The following BICC1 variants were observed in gnomAD, a reference collection of about 807,000 sequenced individuals.
The protein encoded by BICC1 is BicC family RNA binding protein 1.
In BICC1, 43 loss-of-function variants were observed where a neutral mutation model predicts 111.0. The observed-to-expected ratio is 0.39, with a 90% CI of 0.30 to 0.50. The LOEUF is 0.50. BICC1 is among the 20% of genes least tolerant of loss of function. The pLI is 0.88. For synonymous variants in BICC1, 467 were observed against 434.4 expected (o/e 1.07, Z -0.93); for missense variants, 1,091 against 1,203.2 (o/e 0.91, Z 1.38).
At chr10:58,813,563 C>T (rs1589165182) in intron 17 of BICC1, among the ~76,000 whole-genome samples, 1 of 152,048 alleles carries the variant, frequency 6.6e-6, no homozygotes, top group Non-Finnish European at 1.5e-5. Flanking sequence ...TTATTTATCC[C>T]GGAGGCTCTC....
At chr10:58,664,249 T>G (rs1441367595) in intron 2 of BICC1, among the ~76,000 whole-genome samples, 1 of 152,212 alleles carries the variant, frequency 6.6e-6, no homozygotes, top group Admixed American at 6.5e-5. Flanking sequence ...TTTGAAATGT[T>G]AGTCATTCTG....
intron 20 of BICC1, among the ~76,000 whole-genome samples, chr10:58,827,838 A>ACCTT (rs1264510096): frequency 6.6e-6 from 1 of 152,158 alleles, no homozygotes; most frequent in Non-Finnish European, 1.5e-5. Context: ...TCCTTCCACC[A>ACCTT]CCACTACCTA....
chr10:58,799,263 T>C lies in BICC1; in HGVS notation c.1725+11T>C, dbSNP rs879202698. The C allele has an allele frequency of 6.4e-7, 1 of 1,571,472 alleles. No individual in the cohort carries two copies. Among genetic ancestry groups the C allele is most frequent in the South Asian group, 1.2e-5 (1 of 86,410 alleles). ...AATGGACATGCACAGGTAATGGCCT[T>C]CTGCCAGAATGTGTGTGTGATCTGT... On this transcript the variant is annotated intron_variant, in intron 12 of 20. Coordinates refer to ENST00000373886, the MANE Select transcript of BICC1 (RefSeq NM_001080512.3).
chr10:58,793,390 TAAAATA>T, intron 8 of BICC1, 88 bp from the exon 9 acceptor site: 4 of 1,191,306 alleles, frequency 3.4e-6, no homozygotes, highest in Non-Finnish European at 4.8e-6. Flanking sequence ...TTTAAATCTG[TAAAATA>T]GTGCATTATT....
At chr10:58,824,195 C>CT (rs745741163) in intron 20 of BICC1, 87 of 651,280 alleles carry the variant, frequency 1.3e-4, no homozygotes, top group Middle Eastern at 7.7e-4. Context: ...GGGCATTGAC[C>CT]TTTCCATCAA....
chr10:58,519,851 T>C (rs947566419), intron 1 of BICC1, among the ~76,000 whole-genome samples: 4 of 152,194 alleles, frequency 2.6e-5, no homozygotes, highest in African/African-American at 9.6e-5. Flanking sequence ...CAAATGTTTT[T>C]TTTTCCATAG....
chr10:58,687,221 C>G (rs1369665091), intron 2 of BICC1, among the ~76,000 whole-genome samples: 1 of 152,208 alleles, frequency 6.6e-6, no homozygotes, highest in Admixed American at 6.5e-5. Flanking sequence ...GCTGCCTGAT[C>G]CTTCTTCTGG....
At chr10:58,601,261 A>G (rs1223805081) in intron 1 of BICC1, among the ~76,000 whole-genome samples, 1 of 149,632 alleles carries the variant, frequency 6.7e-6, no homozygotes, top group African/African-American at 2.4e-5. Context: ...GAATGTTCCT[A>G]GTTTTTATGT....
chr10:58,679,746 C>T (rs1176427361), intron 2 of BICC1, among the ~76,000 whole-genome samples: 1 of 152,012 alleles, frequency 6.6e-6, no homozygotes, highest in Non-Finnish European at 1.5e-5. Flanking sequence ...AAGAAAATTT[C>T]AGGCCGGTAC....
intron 1 of BICC1, among the ~76,000 whole-genome samples, chr10:58,576,230 A>G (rs973881183): frequency 6.6e-6 from 1 of 152,296 alleles, no homozygotes; most frequent in Admixed American, 6.5e-5. Flanking sequence ...TAAAATTTCA[A>G]AATTCCAGTG....
chr10:58,592,875 CAAAAAAAAAAAA>C (rs969508229), intron 1 of BICC1, among the ~76,000 whole-genome samples: 1 of 46,650 alleles, frequency 2.1e-5, no homozygotes, highest in African/African-American at 8.4e-5. Context: ...GACTCCGTCT[CAAAAAAAAAAAA>C]AAAAAAAAAA....
chr10:58,676,915 C>A (rs1839362991), intron 2 of BICC1, among the ~76,000 whole-genome samples: 1 of 152,192 alleles, frequency 6.6e-6, no homozygotes, highest in Non-Finnish European at 1.5e-5. Context: ...ACAGGGTCTG[C>A]AGTGGACCTC....
At chr10:58,663,066 C>CTTT (rs142149688) in intron 2 of BICC1, among the ~76,000 whole-genome samples, 1 of 81,734 alleles carries the variant, frequency 1.2e-5, no homozygotes, top group African/African-American at 4.5e-5. Context: ...TTTTCTTTTT[C>CTTT]TTTTTTTTTT....
intron 1 of BICC1, among the ~76,000 whole-genome samples, chr10:58,550,010 T>C (rs1446490117): frequency 6.6e-6 from 1 of 151,944 alleles, no homozygotes; most frequent in Non-Finnish European, 1.5e-5. Context: ...ATTCTTTGTA[T>C]ATTTTAATTA....
At chr10:58,583,496 A>T (rs1259328121) in intron 1 of BICC1, among the ~76,000 whole-genome samples, 1 of 151,122 alleles carries the variant, frequency 6.6e-6, no homozygotes, top group Non-Finnish European at 1.5e-5. Flanking sequence ...GAGTTACTTT[A>T]CTTAGAACTG....
At chr10:58,637,694 C>A (rs1438543147) in intron 2 of BICC1, among the ~76,000 whole-genome samples, 1 of 152,184 alleles carries the variant, frequency 6.6e-6, no homozygotes, top group Non-Finnish European at 1.5e-5. Context: ...GTTATGAAAG[C>A]TTTTATAGAA....
intron 1 of BICC1, among the ~76,000 whole-genome samples, chr10:58,543,352 G>C (rs1843046838): frequency 6.6e-6 from 1 of 152,098 alleles, no homozygotes; most frequent in African/African-American, 2.4e-5. Context: ...AGTTACCAAG[G>C]GATAGGGATG....
chr10:58,535,965 T>TAA (rs200404524), intron 1 of BICC1, among the ~76,000 whole-genome samples: 28 of 134,408 alleles, frequency 2.1e-4, no homozygotes, highest in African/African-American at 4.9e-4. Flanking sequence ...GCAACAATAG[T>TAA]AAAAAAAAAA....
At chr10:58,627,031 G>A (rs1219977838) in intron 2 of BICC1, among the ~76,000 whole-genome samples, 1 of 152,150 alleles carries the variant, frequency 6.6e-6, no homozygotes, top group East Asian at 1.9e-4. Flanking sequence ...GAACCTGGGA[G>A]GCAGAGGTTA....
Sources: allele counts gnomAD v4.1 joint callset (sites outside exome capture counted in the v4.1 genomes callset), GRCh38; gene constraint gnomAD v4.1.1; transcripts MANE v1.5; gene names NCBI Gene and HGNC (gene_info 2026-07-23, HGNC 2026-07-21).